MYBL2: variants seen among roughly 807,000 people sequenced by gnomAD.
MYBL2 encodes the protein MYB proto-oncogene like 2, also known as myb-related protein B.
Under a neutral mutation model 79.9 loss-of-function variants are expected in MYBL2, and 28 were observed. The observed-to-expected ratio is 0.35, with a 90% CI of 0.26 to 0.48. MYBL2 has a LOEUF of 0.48. MYBL2 is among the 20% of genes least tolerant of loss of function. MYBL2 has a pLI of 0.99. For missense variants in MYBL2, 735 were observed against 893.9 expected (o/e 0.82, Z 2.27); for synonymous variants, 378 against 361.2 (o/e 1.05, Z -0.53).
intron 5 of MYBL2, among the ~76,000 whole-genome samples, chr20:43,689,923 G>GA (rs527324588): frequency 1.6e-3 from 251 of 152,306 alleles, no homozygotes; most frequent in African/African-American, 5.6e-3. Flanking sequence ...AGGTTCCCTG[G>GA]AAGCGGAACC....
intron 4 of MYBL2, among the ~76,000 whole-genome samples, chr20:43,685,841 C>A (rs1274214670): frequency 1.3e-5 from 2 of 151,792 alleles, no homozygotes; most frequent in African/African-American, 4.8e-5. Context: ...AGTTCAAGAC[C>A]AGCCTTATCA....
chr20:43,676,399 G>A (rs1376035618), intron 2 of MYBL2, among the ~76,000 whole-genome samples: 1 of 152,122 alleles, frequency 6.6e-6, no homozygotes, highest in African/African-American at 2.4e-5. Context: ...TGTTTGCTTA[G>A]GATAATATGT....
At chr20:43,715,316 A>G in intron 13 of MYBL2, 33 bp downstream of exon 13, 1 of 1,613,428 alleles carries the variant, frequency 6.2e-7, no homozygotes, top group Non-Finnish European at 8.5e-7. Context: ...GGGGTCCTGC[A>G]GTGCCCGCCT....
intron 5 of MYBL2, among the ~76,000 whole-genome samples, chr20:43,691,635 G>A (rs922307600): frequency 6.6e-6 from 1 of 151,834 alleles, no homozygotes; most frequent in African/African-American, 2.4e-5. Flanking sequence ...TACCTCCTGG[G>A]TTCAAGCGAT....
intron 5 of MYBL2, among the ~76,000 whole-genome samples, chr20:43,687,334 T>C (rs1472767683): frequency 6.6e-6 from 1 of 152,222 alleles, no homozygotes; most frequent in Non-Finnish European, 1.5e-5. Context: ...AGTCTAGTTC[T>C]CATCCTGTTC....
At position 43,713,125 on chromosome 20, in the gene MYBL2, G is replaced by C. The variant is rs760473704; in HGVS notation, c.1824+19G>C. On this transcript the variant is annotated intron_variant, in intron 12 of 13. Coordinates refer to ENST00000217026, the MANE Select transcript of MYBL2 (RefSeq NM_002466.4). ...ATCCTTGGTAAGGCTTCTGCTCCTT[G>C]GAACTGTTGAGTTTTGGAGAGGACC... The C allele has an allele frequency of 6.2e-7, 1 of 1,600,634 alleles. No individual in the cohort carries two copies. Among genetic ancestry groups the C allele is most frequent in the South Asian group, 1.1e-5 (1 of 89,402 alleles).
chr20:43,705,185 C>G (rs368554072), intron 8 of MYBL2, 34 bp from the exon 9 acceptor site: 5 of 1,609,920 alleles, frequency 3.1e-6, no homozygotes, highest in Admixed American at 3.3e-5. Flanking sequence ...TGCAGGTCAT[C>G]ATTTTGTCTT....
At chr20:43,691,188 G>A (rs1358530080) in intron 5 of MYBL2, among the ~76,000 whole-genome samples, 6 of 152,192 alleles carry the variant, frequency 3.9e-5, no homozygotes, top group Non-Finnish European at 8.8e-5. Context: ...TGAGGTCAGC[G>A]TGAGACTCAG....
In MYBL2 at chr20:43,692,275, G is replaced by A. The variant is rs778451931; in HGVS notation, c.619G>A (p.Glu207Lys). Residue 207 changes from glutamate (E) to lysine (K), a missense_variant, in exon 6 of 14, where the codon GAG (glutamate) becomes AAG (lysine). Transcript: ENST00000217026. ...KPPVYLLLEL[E>K]DKDGLQSAQP... Reference sequence around the variant, plus strand: ...CCCAGTGTACTTGCTGCTGGAGCTCGAGGACAAGGACGGCCTCCAGAGTGC... The same window carrying A: ...CCCAGTGTACTTGCTGCTGGAGCTCAAGGACAAGGACGGCCTCCAGAGTGC... 23 of 1,614,212 alleles carry A rather than the reference G, an allele frequency of 1.4e-5. 1 individual carries two copies. The South Asian group carries it at 2.0e-4, about 14-fold the overall frequency.
intron 5 of MYBL2, among the ~76,000 whole-genome samples, chr20:43,690,527 G>A (rs771977156): frequency 9.9e-5 from 15 of 152,076 alleles, no homozygotes; most frequent in Middle Eastern, 3.2e-3. Context: ...GATTGGATTC[G>A]CTGTAGGGAC....
chr20:43,696,514 C>T (rs531676735), intron 6 of MYBL2, among the ~76,000 whole-genome samples: 228 of 152,366 alleles, frequency 1.5e-3, no homozygotes, highest in Middle Eastern at 3.4e-3. Flanking sequence ...AGCCACCACA[C>T]CAGGCTTAAA....
rs748796861 is a variant in MYBL2 at position 43,713,103 on chromosome 20, C to T, written c.1821C>T (p.Ser607=). ...LMMSTLPKSL[S]LPTTAPSNSS... is the part of the protein sequence containing the mutation. ...TGTCCACACTGCCCAAGTCTCTATC[C>T]TTGGTAAGGCTTCTGCTCCTTGGAA... The change falls in exon 12 of 14, where the codon TCC becomes TCT. Residue 607 remains serine (S), a synonymous_variant. Coordinates refer to ENST00000217026, the MANE Select transcript of MYBL2 (RefSeq NM_002466.4). 2 of 1,610,304 alleles carry T rather than the reference C, an allele frequency of 1.2e-6. No homozygotes were observed. Among genetic ancestry groups the T allele is most frequent in the Middle Eastern group, 1.7e-4 (1 of 6,056 alleles).
chr20:43,676,891 T>C (rs1987023027), intron 2 of MYBL2, among the ~76,000 whole-genome samples: 1 of 151,674 alleles, frequency 6.6e-6, no homozygotes, highest in Non-Finnish European at 1.5e-5. Flanking sequence ...TTTTTTTTTG[T>C]ATTGTATTAT....
rs142211101 is a variant in MYBL2 at position 43,699,839 on chromosome 20, C to T, written c.746C>T (p.Thr249Ile). The T allele has an allele frequency of 1.2e-5, 19 of 1,614,180 alleles. No individual in the cohort carries two copies. The East Asian group carries it at 4.0e-4, about 34-fold the overall frequency. ...ENSEEELAAA[T>I]TSKEQEPIGT... ...AGTGAGGAGGAACTTGCAGCAGCCA[C>T]CACATCGAAGGAACAGGAGCCCATC... The change falls in exon 7 of 14, where the codon ACC becomes ATC. Residue 249 changes from threonine to isoleucine, a missense_variant. Thr to Ile is a moderately conservative substitution (Grantham distance 89). Coordinates refer to ENST00000217026, the MANE Select transcript of MYBL2 (RefSeq NM_002466.4).
In MYBL2 at chr20:43,705,227, C is replaced by T. The variant is rs1337186199; in HGVS notation, c.1374C>T (p.Asn458=). The T allele has an allele frequency of 6.2e-7, 1 of 1,613,936 alleles. No homozygotes were observed. Among genetic ancestry groups the T allele is most frequent in the Non-Finnish European group, 8.5e-7 (1 of 1,179,938 alleles). Residue 458 remains asparagine, a synonymous_variant, in exon 9 of 14, where the codon AAC becomes AAT. Transcript: ENST00000217026. ...TLPFSPSQFL[N]FWNKQDTLEL... ...TCTCTCTTCTTTGGCAGTTTCTGAA[C>T]TTCTGGAACAAACAGGACACATTGG... is the stretch of plus-strand genomic sequence containing the variant.
chr20:43,696,693 T>C (rs1394891608), intron 6 of MYBL2, among the ~76,000 whole-genome samples: 1 of 152,302 alleles, frequency 6.6e-6, no homozygotes, highest in African/African-American at 2.4e-5. Context: ...ATGATCATCA[T>C]TGTTCAGTTT....
intron 2 of MYBL2, among the ~76,000 whole-genome samples, chr20:43,677,244 G>A (rs1053132773): frequency 3.9e-5 from 6 of 152,204 alleles, no homozygotes; most frequent in Admixed American, 1.3e-4. Flanking sequence ...GGAATGGAGA[G>A]ATAAGACCGT....
Position 43,692,251 on chromosome 20 carries a change from C to G in MYBL2, c.595C>G (p.Pro199Ala). The G allele has an allele frequency of 6.2e-7, 1 of 1,614,214 alleles. No homozygotes were observed. Among genetic ancestry groups the G allele is most frequent in the Non-Finnish European group, 8.5e-7 (1 of 1,180,028 alleles). Residue 199 changes from proline (P) to alanine (A), a missense_variant, in exon 6 of 14, where the codon CCA becomes GCA. Coordinates refer to ENST00000217026, the MANE Select transcript of MYBL2 (RefSeq NM_002466.4). ...FLSESKDCKP[P>A]VYLLLELEDK... ...GAGCGAGTCCAAAGACTGCAAGCCC[C>G]CAGTGTACTTGCTGCTGGAGCTCGA...
chr20:43,686,989 C>CGAG lies in MYBL2; in HGVS notation c.426_428dup (p.Glu142dup). 6.2e-7 allele frequency: 1 copy of CGAG among 1,614,086 alleles called. No individual in the cohort carries two copies. The highest frequency in any genetic ancestry group is 8.5e-7 in the Non-Finnish European group (1 of 1,180,028). Reference sequence around the variant, plus strand: ...CTGAGGTGAAGAAGTCTTGCTGGACCGAGGAGGAGGACCGCATCATCTGCG... The same window carrying CGAG: ...CTGAGGTGAAGAAGTCTTGCTGGACCGAGGAGGAGGAGGACCGCATCATCTGCG... On this transcript the variant is annotated inframe_insertion, in exon 5 of 14. Transcript: ENST00000217026.
Sources: gnomAD v4.1 joint callset for allele counts (sites outside exome capture counted in the v4.1 genomes callset) on GRCh38, gnomAD v4.1.1 for gene constraint, MANE v1.5 for transcripts, NCBI Gene and HGNC (gene_info 2026-07-23, HGNC 2026-07-21) for gene names.